MGAT5: variants seen among roughly 807,000 people sequenced by gnomAD.
The protein encoded by MGAT5 is alpha-1,6-mannosylglycoprotein 6-beta-N-acetylglucosaminyltransferase.
In MGAT5, 30 loss-of-function variants were observed where a neutral mutation model predicts 94.3. The ratio of observed to expected loss-of-function variants is 0.32; its 90% CI spans 0.24 to 0.43. The LOEUF (loss-of-function observed/expected upper bound fraction) is 0.43, where lower values mean the gene tolerates loss of function less well. Among genes scored for constraint, MGAT5 ranks in the 20% least tolerant of loss-of-function variants. The probability of loss-of-function intolerance (pLI) is 1.00; values close to 1 mark genes in which losing one functional copy is unlikely to be tolerated. For synonymous variants in MGAT5, 310 were observed against 322.9 expected, an observed-to-expected ratio of 0.96 and a Z score of 0.43; for missense variants, 691 against 905.5, an observed-to-expected ratio of 0.76 and a Z score of 3.04.
At chr2:134,399,678 G>A (rs996977420) in intron 10 of MGAT5, among the ~76,000 whole-genome samples, 2 of 152,170 alleles carry the variant, frequency 1.3e-5, no homozygotes, top group African/African-American at 4.8e-5. Context: ...AAAGTTTTTA[G>A]AGCAGATAAT....
chr2:134,283,004 A>G (rs1016868674), intron 2 of MGAT5, among the ~76,000 whole-genome samples: 6 of 148,528 alleles, frequency 4.0e-5, no homozygotes, highest in Non-Finnish European at 9.0e-5. Flanking sequence ...AAAAAAAAAA[A>G]GGACCCTTTA....
In MGAT5 at chr2:134,331,264, G is replaced by GAAAAGGGATTTT. The variant is rs1427650764; in HGVS notation, c.574-4951_574-4940dup. On this transcript the variant is annotated intron_variant, in intron 4 of 15. Coordinates refer to ENST00000281923, the MANE Select transcript of MGAT5 (RefSeq NM_002410.5). ...TTGTATTTTATATCTCCTTGTTCAA[G>GAAAAGGGATTTT]AAAAGGGATTTTATAGGGTCCTTTC... is the stretch of plus-strand genomic sequence containing the variant. Among the ~76,000 whole-genome samples the GAAAAGGGATTTT allele has an allele frequency of 3.3e-5, 5 of 152,154 alleles. No homozygotes were observed. In the East Asian group the frequency reaches 9.6e-4, roughly 29 times the overall value.
intron 9 of MGAT5, among the ~76,000 whole-genome samples, chr2:134,352,675 C>T (rs1679460916): frequency 1.3e-5 from 2 of 152,180 alleles, no homozygotes; most frequent in South Asian, 2.1e-4. Flanking sequence ...ACTTTAGGAC[C>T]ATGTAAATGT....
At chr2:134,430,483 G>T (rs1336159451) in intron 14 of MGAT5, among the ~76,000 whole-genome samples, 1 of 152,130 alleles carries the variant, frequency 6.6e-6, no homozygotes, top group African/African-American at 2.4e-5. Context: ...TGGACACATG[G>T]TCGGTGCACA....
intron 10 of MGAT5, among the ~76,000 whole-genome samples, chr2:134,386,420 TA>T (rs909801674): frequency 6.6e-6 from 1 of 152,162 alleles, no homozygotes; most frequent in Non-Finnish European, 1.5e-5. Flanking sequence ...AACCGTAAAA[TA>T]AAAAAATCTC....
chr2:134,383,568 C>G (rs1681761431), intron 10 of MGAT5, among the ~76,000 whole-genome samples: 1 of 152,202 alleles, frequency 6.6e-6, no homozygotes, highest in South Asian at 2.1e-4. Context: ...TTAAATACTG[C>G]TGTTGTCCAC....
At chr2:134,181,940 A>G (rs11897876) in intron 1 of MGAT5, among the ~76,000 whole-genome samples, 37,012 of 152,138 alleles carry the variant, frequency 0.24, 5,669 homozygotes, top group African/African-American at 0.42. Context: ...TGATAGCACA[A>G]TTTAAGGTGA....
chr2:134,254,941 G>A (rs1573623870), intron 1 of MGAT5, among the ~76,000 whole-genome samples: 2 of 152,138 alleles, frequency 1.3e-5, no homozygotes, highest in Non-Finnish European at 2.9e-5. Context: ...GGAACCATGT[G>A]ATCTCATGTG....
intron 9 of MGAT5, among the ~76,000 whole-genome samples, chr2:134,360,016 A>T (rs1210192237): frequency 6.6e-6 from 1 of 152,196 alleles, no homozygotes; most frequent in Non-Finnish European, 1.5e-5. Flanking sequence ...AGGCATGTAG[A>T]GGTCAGACCA....
At chr2:134,388,266 G>A (rs1682155392) in intron 10 of MGAT5, among the ~76,000 whole-genome samples, 1 of 151,938 alleles carries the variant, frequency 6.6e-6, no homozygotes, top group South Asian at 2.1e-4. Flanking sequence ...TGTATAATGA[G>A]CCCCCATGTA....
chr2:134,311,254 A>AT (rs1255562811), intron 2 of MGAT5, among the ~76,000 whole-genome samples: 1 of 151,844 alleles, frequency 6.6e-6, no homozygotes, highest in Non-Finnish European at 1.5e-5. Flanking sequence ...TTTTTCTTCT[A>AT]TTTTTTTCTT....
chr2:134,157,444 T>C (rs902268208), intron 1 of MGAT5, among the ~76,000 whole-genome samples: 1 of 152,148 alleles, frequency 6.6e-6, no homozygotes, highest in African/African-American at 2.4e-5. Context: ...CCATTACTAG[T>C]GTTACTAACA....
At chr2:134,387,409 A>G in intron 10 of MGAT5, among the ~76,000 whole-genome samples, 1 of 135,320 alleles carries the variant, frequency 7.4e-6, no homozygotes. Flanking sequence ...ACTGTGTTCC[A>G]ATCCTGGTTC....
At chr2:134,360,619 A>C (rs1004611534) in intron 9 of MGAT5, among the ~76,000 whole-genome samples, 2 of 152,244 alleles carry the variant, frequency 1.3e-5, no homozygotes, top group Admixed American at 1.3e-4. Context: ...ATTAACAAAA[A>C]ATTTTAGAAA....
At chr2:134,152,578 A>G (rs1687275290) in intron 1 of MGAT5, among the ~76,000 whole-genome samples, 1 of 152,280 alleles carries the variant, frequency 6.6e-6, no homozygotes, top group Non-Finnish European at 1.5e-5. Context: ...CCCAAAGGAA[A>G]TAAAGGAAGT....
At chr2:134,242,393 T>C (rs1003679556) in intron 1 of MGAT5, among the ~76,000 whole-genome samples, 7 of 152,220 alleles carry the variant, frequency 4.6e-5, no homozygotes, top group Admixed American at 3.3e-4. Flanking sequence ...TTTATGTATA[T>C]AATGCTCATC....
chr2:134,345,593 G>A (rs1040437870), intron 8 of MGAT5, among the ~76,000 whole-genome samples: 2 of 152,168 alleles, frequency 1.3e-5, no homozygotes, highest in Non-Finnish European at 2.9e-5. Flanking sequence ...GTAGCTCAGT[G>A]TTTGCCTGAG....
In MGAT5 at chr2:134,448,813, A is replaced by G. The variant is rs1290229462; in HGVS notation, c.2192A>G (p.Lys731Arg). 1.2e-6 allele frequency: 2 copies of G among 1,613,786 alleles called. No individual in the cohort carries two copies. The highest frequency in any genetic ancestry group is 2.2e-5 in the East Asian group (1 of 44,896). ...GTCTGCCCCTGCCGGGACTTCATCA[A>G]GGGCCAGGTGGCTCTCTGCAAAGAC... ...QRVCPCRDFI[K>R]GQVALCKDCL The change falls in exon 16 of 16, where the codon AAG (lysine) becomes AGG (arginine). Residue 731 changes from lysine to arginine, a missense_variant. Lys to Arg is a conservative substitution (Grantham distance 26). This residue lies in a region of MGAT5 where 260 missense variants were observed against 347.0 expected (regional missense o/e 0.75). Transcript: ENST00000281923.
chr2:134,156,177 G>A (rs1158338531), intron 1 of MGAT5, among the ~76,000 whole-genome samples: 1 of 152,132 alleles, frequency 6.6e-6, no homozygotes, highest in East Asian at 1.9e-4. Context: ...TGCACAGGCC[G>A]CCGGTCTGTG....
Sources: allele counts gnomAD v4.1 joint callset (sites outside exome capture counted in the v4.1 genomes callset), GRCh38; gene constraint gnomAD v4.1.1; regional missense constraint gnomAD v4.1.1; transcripts MANE v1.5; gene names NCBI Gene and HGNC (gene_info 2026-07-23, HGNC 2026-07-21).